The following RBFOX3 variants were observed in gnomAD, a reference collection of about 807,000 sequenced individuals.
The protein encoded by RBFOX3 is RNA binding fox-1 homolog 3.
In RBFOX3, 17 loss-of-function variants were observed where a neutral mutation model predicts 48.7. That is an observed-to-expected ratio of 0.35 (90% CI 0.24 to 0.52). The LOEUF is 0.52. Among genes scored for constraint, RBFOX3 ranks in the 20% least tolerant of loss-of-function variants. RBFOX3 has a pLI of 0.94. For synonymous variants in RBFOX3, 212 were observed against 209.5 expected (o/e 1.01, Z -0.10); for missense variants, 382 against 497.5 (o/e 0.77, Z 2.21).
chr17:79,358,623 G>A (rs537088689), intron 2 of RBFOX3, among the ~76,000 whole-genome samples: 9 of 152,146 alleles, frequency 5.9e-5, no homozygotes, highest in African/African-American at 2.2e-4. Flanking sequence ...ATCACGCCTG[G>A]CTAATTTTTG....
chr17:79,112,968 G>C (rs946703766), intron 5 of RBFOX3, among the ~76,000 whole-genome samples: 56 of 150,778 alleles, frequency 3.7e-4, no homozygotes, highest in African/African-American at 1.4e-3. Flanking sequence ...AGGGTACTTG[G>C]TGGCTGCACA....
chr17:79,415,610 C>T (rs1030728375), intron 2 of RBFOX3, among the ~76,000 whole-genome samples: 2 of 152,186 alleles, frequency 1.3e-5, no homozygotes, highest in African/African-American at 2.4e-5. Context: ...GCCACCAGGG[C>T]GGGCAGCTAG....
chr17:79,614,083 C>T (rs1020524941), upstream of RBFOX3, among the ~76,000 whole-genome samples: 32 of 152,368 alleles, frequency 2.1e-4, no homozygotes, highest in African/African-American at 7.5e-4. Context: ...GGAGAAGTGG[C>T]GGCCCGCCCT....
At chr17:79,419,699 C>T (rs543092992) in intron 2 of RBFOX3, among the ~76,000 whole-genome samples, 7 of 152,304 alleles carry the variant, frequency 4.6e-5, no homozygotes, top group Non-Finnish European at 7.3e-5. Context: ...TGAGATCATA[C>T]GCAATGAAAA....
chr17:79,579,158 T>C (rs1260139447), intron 1 of RBFOX3, among the ~76,000 whole-genome samples: 1 of 152,214 alleles, frequency 6.6e-6, no homozygotes, highest in African/African-American at 2.4e-5. Flanking sequence ...CTCCATGCTC[T>C]TTGGGGGAAC....
At chr17:79,185,016 C>T (rs899893855) in intron 4 of RBFOX3, among the ~76,000 whole-genome samples, 2 of 152,246 alleles carry the variant, frequency 1.3e-5, no homozygotes, top group Non-Finnish European at 2.9e-5. Flanking sequence ...AGGGTGGCCT[C>T]TCCACGCCCA....
At chr17:79,532,855 C>T (rs927472808) in intron 1 of RBFOX3, among the ~76,000 whole-genome samples, 5 of 152,056 alleles carry the variant, frequency 3.3e-5, no homozygotes, top group South Asian at 2.1e-4. Flanking sequence ...GCATGCACGC[C>T]GCCTGTCAGG....
chr17:79,336,124 C>T (rs1334818612), intron 2 of RBFOX3, among the ~76,000 whole-genome samples: 1 of 152,164 alleles, frequency 6.6e-6, no homozygotes, highest in Admixed American at 6.5e-5. Flanking sequence ...CAGTGGCTCT[C>T]GCCTGTAATC....
chr17:79,335,248 T>C (rs975950959), intron 2 of RBFOX3, among the ~76,000 whole-genome samples: 5 of 152,166 alleles, frequency 3.3e-5, no homozygotes, highest in Non-Finnish European at 7.3e-5. Flanking sequence ...GATTTGCAAA[T>C]GAAACAGATG....
At chr17:79,623,547 T>C in the RBFOX3 span, among the ~76,000 whole-genome samples, 3 of 152,254 alleles carry the variant, frequency 2.0e-5, no homozygotes, top group East Asian at 5.8e-4. Context: ...GCGCAGTGGC[T>C]CAGACCTGTA....
chr17:79,409,209 C>T (rs1335734978), intron 2 of RBFOX3, among the ~76,000 whole-genome samples: 1 of 152,232 alleles, frequency 6.6e-6, no homozygotes, highest in East Asian at 1.9e-4. Context: ...GTGGCACTCC[C>T]TTGCGTGGCC....
At chr17:79,307,433 T>C (rs1311261902) in intron 3 of RBFOX3, among the ~76,000 whole-genome samples, 2 of 152,366 alleles carry the variant, frequency 1.3e-5, no homozygotes, top group Non-Finnish European at 2.9e-5. Context: ...ATAATTAAAA[T>C]TATTTATCTA....
chr17:79,378,164 C>G (rs2059444815), intron 2 of RBFOX3, among the ~76,000 whole-genome samples: 1 of 152,166 alleles, frequency 6.6e-6, no homozygotes, highest in Non-Finnish European at 1.5e-5. Context: ...CGGGTCTCCA[C>G]CGAGCCCAGA....
chr17:79,215,715 G>A (rs889074438), intron 4 of RBFOX3, among the ~76,000 whole-genome samples: 4 of 152,250 alleles, frequency 2.6e-5, no homozygotes, highest in East Asian at 1.9e-4. Flanking sequence ...AGCCCAGCAG[G>A]AGCGTATCCC....
intron 2 of RBFOX3, among the ~76,000 whole-genome samples, chr17:79,393,095 TAGG>T (rs1467749733): frequency 6.6e-6 from 1 of 152,116 alleles, no homozygotes; most frequent in African/African-American, 2.4e-5. Context: ...CCAAAATATG[TAGG>T]AGTTGTAAAA....
chr17:79,173,219 A>ATACATAC lies in RBFOX3; in HGVS notation c.-33-57472_-33-57471insGTATGTA, dbSNP rs1555730608. Among the ~76,000 whole-genome samples, 48 of 150,704 alleles carry ATACATAC rather than the reference A, an allele frequency of 3.2e-4. No individual in the cohort carries two copies. The South Asian group carries it at 4.7e-3, about 15-fold the overall frequency. ...AACGAGACTGTCAAATAAATAAATA[A>ATACATAC]ATACATACATACATACATACGTACA... On this transcript the variant is annotated intron_variant, in intron 4 of 14. Transcript: ENST00000693108.
At chr17:79,303,968 T>C (rs1029788816) in intron 3 of RBFOX3, among the ~76,000 whole-genome samples, 2 of 152,154 alleles carry the variant, frequency 1.3e-5, no homozygotes, top group Non-Finnish European at 2.9e-5. Flanking sequence ...CACCACCCGC[T>C]ATGGAGCTGC....
intron 3 of RBFOX3, 60 bp downstream of exon 3, chr17:79,307,664 C>T (rs2076278848): frequency 6.5e-6 from 1 of 153,734 alleles, no homozygotes; most frequent in Admixed American, 6.5e-5. Flanking sequence ...GGGAGAAGCC[C>T]CCATCTGAGA....
At chr17:79,289,352 G>A (rs1274892637) in intron 3 of RBFOX3, among the ~76,000 whole-genome samples, 1 of 152,234 alleles carries the variant, frequency 6.6e-6, no homozygotes, top group Admixed American at 6.5e-5. Flanking sequence ...GGCCCTTAGT[G>A]TCGACACCCA....
Sources: gnomAD v4.1 joint callset for allele counts (sites outside exome capture counted in the v4.1 genomes callset) on GRCh38, gnomAD v4.1.1 for gene constraint, MANE v1.5 for transcripts, NCBI Gene and HGNC (gene_info 2026-07-23, HGNC 2026-07-21) for gene names.